The following VWF variants were observed in gnomAD, a reference collection of about 807,000 sequenced individuals.
VWF encodes the protein von Willebrand factor, also known as Factor VIII related antigen.
Under a neutral mutation model 308.6 loss-of-function variants are expected in VWF, and 176 were observed. That is an observed-to-expected ratio of 0.57 (90% CI 0.50 to 0.65). The LOEUF (loss-of-function observed/expected upper bound fraction) is 0.65, where lower values mean the gene tolerates loss of function less well. Among genes scored for constraint, VWF ranks in the 30% least tolerant of loss-of-function variants. The pLI is 0.00. For synonymous variants in VWF, 1,385 were observed against 1,443.4 expected (o/e 0.96, Z 0.92); for missense variants, 3,146 against 3,648.2 (o/e 0.86, Z 3.55).
chr12:5,953,294 G>T (rs539193251), intron 48 of VWF, among the ~76,000 whole-genome samples: 7 of 151,920 alleles, frequency 4.6e-5, no homozygotes, highest in African/African-American at 1.5e-4. Flanking sequence ...CTCTTGTCAA[G>T]AAGAGCAACA....
At position 5,976,156 on chromosome 12, in the gene VWF, G is replaced by A. The variant is rs149984396; in HGVS notation, c.7392C>T (p.Arg2464=). The change falls in exon 43 of 52, where the codon CGC becomes CGT. Residue 2464 remains arginine, a synonymous_variant. Transcript: ENST00000261405. ...AGGGCTTCTGGGAGCACTGGGCCACGCGGAGGCCCATCACGGCATCCTCCA... is the reference window on the plus strand; with the variant it reads ...AGGGCTTCTGGGAGCACTGGGCCACACGGAGGCCCATCACGGCATCCTCCA... ...TDMEDAVMGL[R]VAQCSQKPCE... 4.9e-4 allele frequency: 784 copies of A among 1,614,054 alleles called. 3 individuals are homozygous for A. Among genetic ancestry groups the A allele is most frequent in the Non-Finnish European group, 6.1e-4 (720 of 1,180,038 alleles).
intron 37 of VWF, among the ~76,000 whole-genome samples, chr12:5,992,527 T>A (rs1194549416): frequency 1.3e-5 from 2 of 152,196 alleles, no homozygotes; most frequent in African/African-American, 4.8e-5. Context: ...GACAGAAAAT[T>A]TTAATTCTCT....
chr12:5,965,672 G>A (rs1224411145), intron 47 of VWF, among the ~76,000 whole-genome samples: 1 of 152,182 alleles, frequency 6.6e-6, no homozygotes, highest in Non-Finnish European at 1.5e-5. Context: ...TGGCACTTCA[G>A]CCCAACGTGG....
intron 6 of VWF, among the ~76,000 whole-genome samples, chr12:6,092,638 T>TGAGAGAGAGA (rs1565386761): frequency 1.0e-5 from 1 of 99,374 alleles, no homozygotes; most frequent in African/African-American, 9.0e-5. Flanking sequence ...TGTGTGTGTG[T>TGAGAGAGAGA]GTGTGTGTGT....
rs1458386111 is a variant in VWF at position 5,996,075 on chromosome 12, G to A, written c.5990C>T (p.Ala1997Val). 1.9e-6 allele frequency: 3 copies of A among 1,613,898 alleles called. No homozygotes were observed. The highest frequency in any genetic ancestry group is 2.5e-6 in the Non-Finnish European group (3 of 1,180,010). ...GATGGATTTCATGCAGCCCTGCCTTGCTCCAGGGCTGCAGGCACCATTATG... is the reference window on the plus strand; with the variant it reads ...GATGGATTTCATGCAGCCCTGCCTTACTCCAGGGCTGCAGGCACCATTATG... ...ILHNGACSPG[A>V]RQGCMKSIEV... Residue 1997 changes from alanine (A) to valine (V), a missense_variant, in exon 35 of 52, where the codon GCA (alanine) becomes GTA (valine). Coordinates refer to ENST00000261405, the MANE Select transcript of VWF (RefSeq NM_000552.5).
chr12:6,025,177 C>T (rs1042645310), intron 24 of VWF, among the ~76,000 whole-genome samples: 1 of 152,132 alleles, frequency 6.6e-6, no homozygotes, highest in African/African-American at 2.4e-5. Context: ...AAGAAATGGG[C>T]ACCAAGGGGT....
intron 34 of VWF, among the ~76,000 whole-genome samples, chr12:5,998,796 T>C (rs2136391137): frequency 6.6e-6 from 1 of 152,210 alleles, no homozygotes; most frequent in East Asian, 1.9e-4. Context: ...GGCGCGATCT[T>C]GGCTCACTGC....
rs1166970783 is a variant in VWF at position 6,063,588 on chromosome 12, T to A, written c.1433-534A>T. On this transcript the variant is annotated intron_variant, in intron 12 of 51. Transcript: ENST00000261405. This position sits in a 1 kb window ranked among gnomAD's most constrained non-coding sequence, Gnocchi z 4.9. ...CACAGCATAACACCCATGGACGTGCTGGGTACCCACTAGCCCAAGTTCATC... is the reference window on the plus strand; with the variant it reads ...CACAGCATAACACCCATGGACGTGCAGGGTACCCACTAGCCCAAGTTCATC... 1.3e-5 allele frequency among the ~76,000 whole-genome samples: 2 copies of A among 152,130 alleles called. No homozygotes were observed. Among genetic ancestry groups the A allele is most frequent in the African/African-American group, 4.8e-5 (2 of 41,416 alleles).
At chr12:6,119,246 T>C (rs1945404117) in intron 3 of VWF, among the ~76,000 whole-genome samples, 1 of 152,154 alleles carries the variant, frequency 6.6e-6, no homozygotes, top group Non-Finnish European at 1.5e-5. Flanking sequence ...AAAGTCTGGT[T>C]ACCCACCCTA....
At chr12:5,958,875 A>G (rs544412295) in intron 47 of VWF, among the ~76,000 whole-genome samples, 11 of 152,274 alleles carry the variant, frequency 7.2e-5, no homozygotes, top group African/African-American at 2.2e-4. Flanking sequence ...ATTGTTGCCA[A>G]GCTTAGATAG....
intron 43 of VWF, among the ~76,000 whole-genome samples, chr12:5,972,949 G>A (rs889775741): frequency 1.4e-4 from 21 of 152,140 alleles, no homozygotes; most frequent in African/African-American, 3.1e-4. Context: ...ATTCTCGTAC[G>A]CCTCTCTAGA....
chr12:5,982,044 G>A, intron 41 of VWF, 53 bp from the exon 42 acceptor site: 1 of 1,571,142 alleles, frequency 6.4e-7, no homozygotes, highest in Non-Finnish European at 8.7e-7. Flanking sequence ...GGGCTCGTAA[G>A]TATTCAGCTA....
chr12:6,102,439 C>CA (rs769476375), intron 5 of VWF, among the ~76,000 whole-genome samples: 6 of 149,282 alleles, frequency 4.0e-5, no homozygotes, highest in African/African-American at 1.5e-4. Context: ...AAGACTGTCT[C>CA]AAAAAAACAA....
intron 42 of VWF, among the ~76,000 whole-genome samples, chr12:5,980,257 T>TAGGGAGGGAAGG (rs1943590889): frequency 2.2e-5 from 1 of 45,826 alleles, no homozygotes; most frequent in Non-Finnish European, 4.2e-5. Context: ...GGAAGTGACG[T>TAGGGAGGGAAGG]AGGGAGGGAG....
intron 47 of VWF, among the ~76,000 whole-genome samples, chr12:5,966,803 G>C (rs1311994479): frequency 1.3e-5 from 2 of 152,204 alleles, no homozygotes; most frequent in Non-Finnish European, 2.9e-5. Flanking sequence ...ATCCAGAAGG[G>C]AGCTTGAGGA....
chr12:6,032,999 C>T lies in VWF; in HGVS notation c.2686-1421G>A, dbSNP rs577014949. Among the ~76,000 whole-genome samples the T allele has an allele frequency of 3.2e-3, 435 of 137,968 alleles. 5 individuals carry two copies. Among genetic ancestry groups the T allele is most frequent in the African/African-American group, 0.013 (411 of 30,490 alleles). 90.5% of individuals were successfully genotyped at this position (137,968 alleles called of 152,430 possible). ...ACACACACGCACATGCATACACCCA[C>T]ACACACGCACATGCATACACCCACA... On this transcript the variant is annotated intron_variant, in intron 20 of 51. Transcript: ENST00000261405.
At position 6,007,126 on chromosome 12, in the gene VWF, A is replaced by T. The variant is rs187171706; in HGVS notation, c.5842+4491T>A. On this transcript the variant is annotated intron_variant, in intron 34 of 51. Coordinates refer to ENST00000261405, the MANE Select transcript of VWF (RefSeq NM_000552.5). ...GATGATAAATATAGAACAACATAAT[A>T]GTGAGAGATTTTAATATCTCACTTT... is the stretch of plus-strand genomic sequence containing the variant. Among the ~76,000 whole-genome samples, 64 of 152,370 alleles carry T rather than the reference A, an allele frequency of 4.2e-4. 1 individual carries two copies. The East Asian group carries it at 6.7e-3, about 16-fold the overall frequency.
chr12:6,025,612 TA>T lies in VWF; in HGVS notation c.3189del (p.Thr1064ProfsTer55), dbSNP rs776853073. 1 of 1,511,668 alleles carries T rather than the reference TA, an allele frequency of 6.6e-7. No homozygotes were observed. The highest frequency in any genetic ancestry group is 1.4e-5 in the African/African-American group (1 of 72,066). 93.6% of individuals were successfully genotyped at this position (1,511,668 alleles called of 1,614,324 possible). A position where few individuals can be genotyped will look rare whatever the true frequency, so the allele number is the denominator to read the frequency against. On this transcript the variant is annotated frameshift_variant, in exon 24 of 52. Coordinates refer to ENST00000261405, the MANE Select transcript of VWF (RefSeq NM_000552.5). LOFTEE classifies it high-confidence loss of function. ...TTGCAGTCCTGGAAGACGTCACTGG[TA>T]AGGATTCTACAGGAGGAATCCACCA... is the stretch of plus-strand genomic sequence containing the variant. Reference protein sequence around the residue: ...QTMVDSSCRILTSDVFQDCNK... With the variant: ...QTMVDSSCRIXTSDVFQDCNK...
intron 47 of VWF, among the ~76,000 whole-genome samples, chr12:5,964,250 G>GCATGCATGCATA (rs1343427840): frequency 1.6e-5 from 2 of 122,350 alleles, no homozygotes; most frequent in African/African-American, 7.3e-5. Context: ...ATACATACAT[G>GCATGCATGCATA]CATACATACA....
Sources: gnomAD v4.1 joint callset for allele counts (sites outside exome capture counted in the v4.1 genomes callset) on GRCh38, gnomAD v4.1.1 for gene constraint, Gnocchi (gnomAD v3.1) non-coding constraint, MANE v1.5 for transcripts, NCBI Gene and HGNC (gene_info 2026-07-23, HGNC 2026-07-21) for gene names.